ZNF236: variants seen among roughly 807,000 people sequenced by gnomAD.
ZNF236 encodes the protein regulated by glucose.
Under a neutral mutation model 191.2 loss-of-function variants are expected in ZNF236, and 50 were observed. The ratio of observed to expected loss-of-function variants is 0.26; its 90% confidence interval spans 0.21 to 0.33. The LOEUF is 0.33. Ranked by LOEUF, ZNF236 falls within the 10% of genes least tolerant of loss-of-function variation. The pLI is 1.00. For missense variants in ZNF236, 1,754 were observed against 2,374.5 expected (o/e 0.74, Z 5.43); for synonymous variants, 907 against 928.8 (o/e 0.98, Z 0.43).
intron 3 of ZNF236, among the ~76,000 whole-genome samples, chr18:76,867,572 A>T (rs980560496): frequency 6.6e-6 from 1 of 152,342 alleles, no homozygotes; most frequent in South Asian, 2.1e-4. Context: ...ATAACAGTTT[A>T]TGCTCATTGA....
chr18:76,851,263 CTTT>C (rs775928958), intron 2 of ZNF236, among the ~76,000 whole-genome samples: 4 of 117,682 alleles, frequency 3.4e-5, no homozygotes, highest in African/African-American at 6.9e-5. Context: ...AGAAAGAAAC[CTTT>C]TTTTTTTTTT....
rs1426016755 is a variant in ZNF236, at chr18:76,972,558, A to T, written c.*4219A>T. On this transcript the variant is annotated 3_prime_UTR_variant, in exon 31 of 31. Coordinates refer to ENST00000320610, the MANE Select transcript of ZNF236 (RefSeq NM_001306089.2). ...CTAAGAAAAAATGAAGATTAGTATG[A>T]ATGGCAGGAGCAACAGGCAGTCAGA... 2.6e-5 allele frequency among the ~76,000 whole-genome samples: 4 copies of T among 152,224 alleles called. No individual in the cohort carries two copies. The highest frequency in any genetic ancestry group is 7.2e-5 in the African/African-American group (3 of 41,454).
intron 13 of ZNF236, among the ~76,000 whole-genome samples, chr18:76,907,904 G>A (rs762307445): frequency 3.3e-5 from 5 of 152,090 alleles, no homozygotes; most frequent in Non-Finnish European, 7.4e-5. Context: ...GGCTCTCTGC[G>A]CACCACGTGT....
At chr18:76,950,161 C>T (rs1968369402) in intron 27 of ZNF236, among the ~76,000 whole-genome samples, 1 of 152,110 alleles carries the variant, frequency 6.6e-6, no homozygotes, top group African/African-American at 2.4e-5. Flanking sequence ...AATAAGACAA[C>T]AGTGAAGTTT....
chr18:76,826,344 G>GA (rs1386351859), intron 1 of ZNF236, among the ~76,000 whole-genome samples: 1 of 146,358 alleles, frequency 6.8e-6, no homozygotes, highest in Non-Finnish European at 1.5e-5. Context: ...GGCTGGTCTC[G>GA]AACTCCTGAC....
intron 10 of ZNF236, 60 bp downstream of exon 10, chr18:76,895,345 C>T (rs991236139): frequency 5.4e-5 from 85 of 1,577,698 alleles, no homozygotes; most frequent in South Asian, 3.7e-4. Context: ...CACATTACTG[C>T]GCACATATAC....
chr18:76,837,137 C>A (rs911410622), intron 1 of ZNF236, among the ~76,000 whole-genome samples: 24 of 116,818 alleles, frequency 2.1e-4, no homozygotes, highest in Non-Finnish European at 3.7e-4. Flanking sequence ...TCCCCCCCCC[C>A]CCGCCCCGCA....
intron 1 of ZNF236, among the ~76,000 whole-genome samples, chr18:76,825,939 G>T (rs1182257463): frequency 1.3e-5 from 2 of 152,104 alleles, no homozygotes; most frequent in Admixed American, 6.5e-5. Flanking sequence ...TGTATCAAGG[G>T]GTCCTGAAAC....
At chr18:76,847,772 G>A (rs569967249) in intron 1 of ZNF236, among the ~76,000 whole-genome samples, 4 of 152,268 alleles carry the variant, frequency 2.6e-5, no homozygotes, top group Non-Finnish European at 4.4e-5. Flanking sequence ...CCCTCCGCCC[G>A]GCCCCAGCAA....
At position 76,968,914 on chromosome 18, in the gene ZNF236, G is replaced by A. The variant is rs1394368176; in HGVS notation, c.*575G>A. On this transcript the variant is annotated 3_prime_UTR_variant, in exon 31 of 31. Coordinates refer to ENST00000320610, the MANE Select transcript of ZNF236 (RefSeq NM_001306089.2). ...ATAACTGATACCTTGAGAGATGGCTGGACCAATTCTCTCCATGACAAATGT... is the reference window on the plus strand; with the variant it reads ...ATAACTGATACCTTGAGAGATGGCTAGACCAATTCTCTCCATGACAAATGT... 7 of 976,642 alleles carry A rather than the reference G, an allele frequency of 7.2e-6. No individual in the cohort carries two copies. The highest frequency in any genetic ancestry group is 1.3e-4 in the Admixed American group (2 of 15,366). The allele number at this position is 976,642 out of a possible 1,614,324, so 60.5% of individuals were successfully genotyped here.
intron 30 of ZNF236, among the ~76,000 whole-genome samples, chr18:76,967,988 C>G (rs1052249064): frequency 3.3e-5 from 5 of 152,162 alleles, no homozygotes; most frequent in African/African-American, 4.8e-5. Context: ...GGAGTGCACT[C>G]ATATCACCAG....
intron 13 of ZNF236, among the ~76,000 whole-genome samples, chr18:76,907,628 G>A (rs1027117850): frequency 1.3e-5 from 2 of 152,056 alleles, no homozygotes; most frequent in Admixed American, 6.6e-5. Context: ...GCGCCTGGCC[G>A]GCTCTTTGTC....
At chr18:76,912,004 G>A (rs1316529204) in intron 16 of ZNF236, among the ~76,000 whole-genome samples, 2 of 152,154 alleles carry the variant, frequency 1.3e-5, no homozygotes, top group Non-Finnish European at 1.5e-5. Context: ...TTTTATGGTT[G>A]ATTAAGCTTT....
intron 1 of ZNF236, among the ~76,000 whole-genome samples, chr18:76,826,118 ATT>A (rs60496800): frequency 6.7e-6 from 1 of 150,318 alleles, no homozygotes; most frequent in Admixed American, 6.6e-5. Flanking sequence ...CGGATACCTG[ATT>A]TTTTTTTCTT....
intron 26 of ZNF236, among the ~76,000 whole-genome samples, chr18:76,943,784 C>G (rs149817903): frequency 0.017 from 2,653 of 152,260 alleles, 31 homozygotes; most frequent in Middle Eastern, 0.027. Flanking sequence ...AATTTTGTGC[C>G]TTTCTTAGCC....
At position 76,926,152 on chromosome 18, in the gene ZNF236, A is replaced by C. The variant is rs575948441; in HGVS notation, c.4027+598A>C. Among the ~76,000 whole-genome samples the C allele has an allele frequency of 2.7e-4, 41 of 152,330 alleles. 1 individual carries two copies. The South Asian group carries it at 8.3e-3, about 31-fold the overall frequency. ...TTTGAGCTACTTTTCTGATACGTTT[A>C]AAGTGGGCAATATGAGTATCCATTT... On this transcript the variant is annotated intron_variant, in intron 22 of 30. Coordinates refer to ENST00000320610, the MANE Select transcript of ZNF236 (RefSeq NM_001306089.2).
In ZNF236 at chr18:76,969,253, T is replaced by C. The variant is rs1240475274; in HGVS notation, c.*914T>C. 1 of 152,804 alleles carries C rather than the reference T, an allele frequency of 6.5e-6. No individual in the cohort carries two copies. Among genetic ancestry groups the C allele is most frequent in the East Asian group, 1.9e-4 (1 of 5,204 alleles). 9.5% of individuals were successfully genotyped at this position (152,804 alleles called of 1,614,324 possible). ...TTCTCTTCGTGCATAAACAGATGTA[T>C]TTTTGATTTCAGGGAATTCTTTAGT... On this transcript the variant is annotated 3_prime_UTR_variant, in exon 31 of 31. Transcript: ENST00000320610.
At chr18:76,932,582 C>T (rs569246585) in intron 25 of ZNF236, among the ~76,000 whole-genome samples, 4 of 152,286 alleles carry the variant, frequency 2.6e-5, no homozygotes, top group South Asian at 2.1e-4. Flanking sequence ...GAGTGGTAGT[C>T]GCTCGTGGTG....
chr18:76,972,420 C>T lies in ZNF236; in HGVS notation c.*4081C>T, dbSNP rs1029879524. On this transcript the variant is annotated 3_prime_UTR_variant, in exon 31 of 31. Coordinates refer to ENST00000320610, the MANE Select transcript of ZNF236 (RefSeq NM_001306089.2). ...CATGCACGGATGAGCACATAGCTCA[C>T]CCTCACCCTCACACACTCACCCACA... Among the ~76,000 whole-genome samples the T allele has an allele frequency of 6.6e-6, 1 of 152,060 alleles. No individual in the cohort carries two copies. The highest frequency in any genetic ancestry group is 2.4e-5 in the African/African-American group (1 of 41,356).
Sources: allele counts gnomAD v4.1 joint callset (sites outside exome capture counted in the v4.1 genomes callset), GRCh38; gene constraint gnomAD v4.1.1; transcripts MANE v1.5; gene names NCBI Gene and HGNC (gene_info 2026-07-23, HGNC 2026-07-21).